KLC3: variants seen among roughly 807,000 people sequenced by gnomAD.
KLC3 encodes the protein kinesin light chain 3.
A neutral mutation model predicts 62.9 loss-of-function variants in KLC3; 72 were observed. The observed-to-expected ratio is 1.15, with a 90% confidence interval of 0.95 to 1.39. The LOEUF (loss-of-function observed/expected upper bound fraction) is 1.39, where lower values mean the gene tolerates loss of function less well. KLC3 is among the 40% of genes most tolerant of loss of function. The pLI is 0.00. For synonymous variants in KLC3, 377 were observed against 300.5 expected (o/e 1.25, Z -2.63); for missense variants, 848 against 691.6 (o/e 1.23, Z -2.54).
At position 45,351,304 on chromosome 19, in the gene KLC3, G is replaced by C. The variant is rs201952145; in HGVS notation, c.1462G>C (p.Asp488His). ...PGTQFPSWHL[D>H]KAPRTLSAST... is the part of the protein sequence containing the mutation. ...TCTCCAGTTTCCCAGCTGGCACCTG[G>C]ACAAGGCCCCTCGGACCCTCAGCGC... is the stretch of plus-strand genomic sequence containing the variant. Residue 488 changes from aspartate (D) to histidine (H), a missense_variant, in exon 13 of 13, where the codon GAC (aspartate) becomes CAC (histidine). Asp to His is a moderately conservative substitution (Grantham distance 81). Coordinates refer to ENST00000391946, the MANE Select transcript of KLC3 (RefSeq NM_177417.3). 1 of 1,612,624 alleles carries C rather than the reference G, an allele frequency of 6.2e-7. No individual in the cohort carries two copies.
At chr19:45,341,720 G>T (rs958062757) in intron 1 of KLC3, among the ~76,000 whole-genome samples, 1 of 150,432 alleles carries the variant, frequency 6.6e-6, no homozygotes, top group Non-Finnish European at 1.5e-5. Context: ...GGGACGGTGC[G>T]CGTGGAACCT....
intron 4 of KLC3, 45 bp downstream of exon 4, chr19:45,347,561 G>A (rs768416689): frequency 4.5e-6 from 7 of 1,549,552 alleles, no homozygotes; most frequent in Admixed American, 1.9e-5. Context: ...AGGCCAGGGT[G>A]GGGAGGGGGC....
In KLC3 at chr19:45,346,608, A is replaced by AGGCCCGGCGGCT. The variant is rs1568522323; in HGVS notation, c.329_340dup (p.Arg110_Ala113dup). 1.9e-6 allele frequency: 3 copies of AGGCCCGGCGGCT among 1,550,484 alleles called. No homozygotes were observed. Among genetic ancestry groups the AGGCCCGGCGGCT allele is most frequent in the Non-Finnish European group, 2.6e-6 (3 of 1,147,036 alleles). On this transcript the variant is annotated inframe_insertion, in exon 3 of 13. Transcript: ENST00000391946. ...GCAGAGAAGCAGCGGCTGCGCTCGCAGGCCCGGCGGCTGGCCCAGGAGAAC... is the reference window on the plus strand; with the variant it reads ...GCAGAGAAGCAGCGGCTGCGCTCGCAGGCCCGGCGGCTGGCCCGGCGGCTGGCCCAGGAGAAC...
chr19:45,341,447 G>A (rs1213108439), intron 1 of KLC3, among the ~76,000 whole-genome samples: 5 of 151,942 alleles, frequency 3.3e-5, no homozygotes, highest in African/African-American at 4.8e-5. Context: ...ATGTGCATGT[G>A]TGTGGCTGTG....
rs747451288 is a variant in KLC3 at position 45,350,620 on chromosome 19, GCATCCCCGGCCCCTCCCCAGGCC to G, written c.1273-19_1276del. 116 of 1,613,166 alleles carry G rather than the reference GCATCCCCGGCCCCTCCCCAGGCC, an allele frequency of 7.2e-5. No homozygotes were observed. The highest frequency in any genetic ancestry group is 1.5e-4 in the Admixed American group (9 of 59,996). ...CTGCATGGGCCTGGGGGACTGAGCA[GCATCCCCGGCCCCTCCCCAGGCC>G]CTTCGCCGCAGCAGCTCACTCTCCA... On this transcript the variant is annotated splice_acceptor_variant and splice_polypyrimidine_tract_variant and coding_sequence_variant and intron_variant, in exon 11 of 13. Transcript: ENST00000391946. LOFTEE classifies it high-confidence loss of function.
rs1449334103 is a variant in KLC3, at chr19:45,347,983, A to G, written c.602A>G (p.Tyr201Cys). The G allele has an allele frequency of 1.9e-6, 3 of 1,609,386 alleles. No individual in the cohort carries two copies. The highest frequency in any genetic ancestry group is 2.5e-6 in the Non-Finnish European group (3 of 1,178,172). The part of the protein sequence containing the change: ...AGAAAAQQGG[Y>C]EIPARLRTLH... Reference sequence around the variant, plus strand: ...GCAGCAGCTGCTCAGCAGGGTGGCTATGAGATCCCTGCCCGCCTTCGGACC... The same window carrying G: ...GCAGCAGCTGCTCAGCAGGGTGGCTGTGAGATCCCTGCCCGCCTTCGGACC... Residue 201 changes from tyrosine (Y) to cysteine (C), a missense_variant, in exon 5 of 13, where the codon TAT becomes TGT. Tyr to Cys is a radical substitution (Grantham distance 194). Transcript: ENST00000391946.
Position 45,350,440 on chromosome 19 carries a change from C to T in KLC3, c.1234+9C>T, listed in dbSNP as rs1313920820. The T allele has an allele frequency of 6.2e-7, 1 of 1,613,810 alleles. No individual in the cohort carries two copies. The highest frequency in any genetic ancestry group is 1.3e-5 in the African/African-American group (1 of 74,978). ...CCTACCCGCCCCTCTCGGTGAGCCC[C>T]TAGCCCCTGTCTGTCTTCCCTCCTG... On this transcript the variant is annotated intron_variant, in intron 9 of 12. Coordinates refer to ENST00000391946, the MANE Select transcript of KLC3 (RefSeq NM_177417.3).
Position 45,348,142 on chromosome 19 carries a change from T to C in KLC3, c.761T>C (p.Ile254Thr). Residue 254 changes from isoleucine to threonine, a missense_variant, in exon 5 of 13, where the codon ATC becomes ACC. Coordinates refer to ENST00000391946, the MANE Select transcript of KLC3 (RefSeq NM_177417.3). Reference protein sequence around the residue: ...CHPDVATMLNILALVYRDQNK... With the variant: ...CHPDVATMLNTLALVYRDQNK... ...CCTGACGTGGCCACCATGCTCAACA[T>C]CCTGGCGCTGGTGTACCGGTGAGCA... The C allele has an allele frequency of 1.3e-6, 2 of 1,594,602 alleles. No homozygotes were observed. The highest frequency in any genetic ancestry group is 1.7e-6 in the Non-Finnish European group (2 of 1,170,014).
intron 8 of KLC3, 48 bp downstream of exon 8, chr19:45,349,650 C>T (rs1486809044): frequency 1.3e-6 from 2 of 1,507,202 alleles, no homozygotes; most frequent in Admixed American, 2.0e-5. Context: ...GGGTCCTGCC[C>T]TGGGGAGGCA....
At chr19:45,347,807 A>G (rs980211946) in intron 4 of KLC3, 134 bp from the exon 5 acceptor site, 4 of 758,038 alleles carry the variant, frequency 5.3e-6, no homozygotes, top group Non-Finnish European at 8.7e-6. Context: ...CTCCTATCTC[A>G]GAAGTTAGCG....
rs776994044 is a variant in KLC3 at position 45,345,795 on chromosome 19, C to T, written c.254C>T (p.Ala85Val). 7.1e-6 allele frequency: 11 copies of T among 1,546,998 alleles called. No individual in the cohort carries two copies. In the African/African-American group the frequency reaches 1.4e-4, roughly 19 times the overall value. Residue 85 changes from alanine to valine, a missense_variant, in exon 2 of 13, where the codon GCC (alanine) becomes GTC (valine). Physicochemically the swap from Ala to Val is moderately conservative, Grantham distance 64. Transcript: ENST00000391946. ...LEAIELGLGE[A>V]QVLLALSAHV... ...GCCATCGAGCTGGGGCTGGGCGAGG[C>T]CCAGGTATGAGGGGGCCAGGTGGGG... is the stretch of plus-strand genomic sequence containing the variant.
At position 45,343,587 on chromosome 19, in the gene KLC3, G is replaced by A. The variant is rs561094458; in HGVS notation, c.-8-1947G>A. Among the ~76,000 whole-genome samples, 25 of 152,132 alleles carry A rather than the reference G, an allele frequency of 1.6e-4. No individual in the cohort carries two copies. The East Asian group carries it at 4.5e-3, about 27-fold the overall frequency. ...TGACCTCAACTGATCCACCCACCTCGGCCTCCCAAAGTGCTGGGATTACAG... is the reference window on the plus strand; with the variant it reads ...TGACCTCAACTGATCCACCCACCTCAGCCTCCCAAAGTGCTGGGATTACAG... On this transcript the variant is annotated intron_variant, in intron 1 of 12. Coordinates refer to ENST00000391946, the MANE Select transcript of KLC3 (RefSeq NM_177417.3).
At position 45,347,960 on chromosome 19, in the gene KLC3, A is replaced by C; in HGVS notation, c.579A>C (p.Ala193=). Residue 193 remains alanine, a synonymous_variant, in exon 5 of 13, where the codon GCA becomes GCC. Transcript: ENST00000391946. ...ACCTAGGTCCTGAGGCCGCAGGAGC[A>C]GCAGCTGCTCAGCAGGGTGGCTATG... is the stretch of plus-strand genomic sequence containing the variant. The part of the protein sequence containing the change: ...EERKGPEAAG[A]AAAQQGGYEI... 6.2e-7 allele frequency: 1 copy of C among 1,606,718 alleles called. No individual in the cohort carries two copies. The highest frequency in any genetic ancestry group is 8.5e-7 in the Non-Finnish European group (1 of 1,176,858).
At position 45,349,449 on chromosome 19, in the gene KLC3, A is replaced by G. The variant is rs182770555; in HGVS notation, c.990A>G (p.Pro330=). Residue 330 remains proline (P), a synonymous_variant, in exon 8 of 13, where the codon CCA becomes CCG. Coordinates refer to ENST00000391946, the MANE Select transcript of KLC3 (RefSeq NM_177417.3). ...CCCAGGTCCTGGGTGCTGACCACCC[A>G]GATGTGGCCAAGCAGCTCAACAACC... is the stretch of plus-strand genomic sequence containing the variant. ...IREKVLGADH[P]DVAKQLNNLA... is the part of the protein sequence containing the mutation. 31 of 1,611,704 alleles carry G rather than the reference A, an allele frequency of 1.9e-5. No individual in the cohort carries two copies. The East Asian group carries it at 6.5e-4, about 34-fold the overall frequency.
At chr19:45,349,341 C>A in intron 7 of KLC3, 88 bp from the exon 8 acceptor site, 1 of 1,366,414 alleles carries the variant, frequency 7.3e-7, no homozygotes, top group Non-Finnish European at 1.0e-6. Flanking sequence ...ACCCTGTAAT[C>A]CCCAACTCAT....
At chr19:45,348,510 A>G in intron 5 of KLC3, 136 bp from the exon 6 acceptor site, 1 of 788,496 alleles carries the variant, frequency 1.3e-6, no homozygotes, top group Non-Finnish European at 2.1e-6. Context: ...GGGCCCACAA[A>G]AGGCCCTCAA....
rs778172528 is a variant in KLC3, at chr19:45,350,424, C to A, written c.1227C>A (p.Ala409=). 2 of 1,613,772 alleles carry A rather than the reference C, an allele frequency of 1.2e-6. No homozygotes were observed. Among genetic ancestry groups the A allele is most frequent in the South Asian group, 1.1e-5 (1 of 91,038 alleles). Residue 409 remains alanine, a synonymous_variant, in exon 9 of 13, where the codon GCC becomes GCA. Transcript: ENST00000391946. ...KEILHKEDLP[A]PLGAPNTGTA... ...TCCTCCACAAGGAGGACCTACCCGC[C>A]CCTCTCGGTGAGCCCCTAGCCCCTG...
intron 4 of KLC3, among the ~76,000 whole-genome samples, 174 bp downstream of exon 4, chr19:45,347,690 G>A (rs1264225971): frequency 2.0e-5 from 3 of 152,170 alleles, no homozygotes; most frequent in Non-Finnish European, 2.9e-5. Context: ...CAGGGTAGCC[G>A]CTATGAGCCT....
rs781486330 is a variant in KLC3, at chr19:45,350,363, A to C, written c.1166A>C (p.Asn389Thr). The change falls in exon 9 of 13, where the codon AAC becomes ACC. Residue 389 changes from asparagine (N) to threonine (T), a missense_variant. Coordinates refer to ENST00000391946, the MANE Select transcript of KLC3 (RefSeq NM_177417.3). ...CAGGCCTCAGCCTACCTGAAACAGA[A>C]CAAGTATCAACAAGCGGAAGAGCTG... is the stretch of plus-strand genomic sequence containing the variant. ...NNLASAYLKQNKYQQAEELYK... is the reference protein window; with the variant it reads ...NNLASAYLKQTKYQQAEELYK... The C allele has an allele frequency of 6.2e-7, 1 of 1,613,344 alleles. No homozygotes were observed. The highest frequency in any genetic ancestry group is 1.3e-5 in the African/African-American group (1 of 74,742).
Sources: gnomAD v4.1 joint callset for allele counts (sites outside exome capture counted in the v4.1 genomes callset) on GRCh38, gnomAD v4.1.1 for gene constraint, MANE v1.5 for transcripts, NCBI Gene and HGNC (gene_info 2026-07-23, HGNC 2026-07-21) for gene names.